CYP39A1: variants seen among roughly 807,000 people sequenced by gnomAD.
The protein encoded by CYP39A1 is cytochrome P450 family 39 subfamily A member 1.
In CYP39A1, 49 loss-of-function variants were observed where a neutral mutation model predicts 58.1. The ratio of observed to expected loss-of-function variants is 0.84; its 90% confidence interval spans 0.67 to 1.07. CYP39A1 has a LOEUF of 1.07. Among genes scored for constraint, CYP39A1 ranks in the 50% least tolerant of loss-of-function variants. The pLI, the probability that CYP39A1 is intolerant of heterozygous loss-of-function variation, is 0.00. For synonymous variants in CYP39A1, 209 were observed against 187.6 expected, an observed-to-expected ratio of 1.11 and a Z score of -0.93; for missense variants, 531 against 539.4, an observed-to-expected ratio of 0.98 and a Z score of 0.16.
At chr6:46,637,031 C>G (rs1399877546) in intron 4 of CYP39A1, among the ~76,000 whole-genome samples, 2 of 152,146 alleles carry the variant, frequency 1.3e-5, no homozygotes, top group African/African-American at 4.8e-5. Flanking sequence ...GGCTACAGCC[C>G]TCATGAAAAG....
chr6:46,601,835 A>AT (rs1773527764), intron 7 of CYP39A1, among the ~76,000 whole-genome samples: 1 of 151,896 alleles, frequency 6.6e-6, no homozygotes, highest in Admixed American at 6.6e-5. Context: ...GTTACTTATT[A>AT]TTATTATTTC....
chr6:46,557,458 T>C (rs923324778), intron 10 of CYP39A1, among the ~76,000 whole-genome samples: 63 of 151,702 alleles, frequency 4.2e-4, no homozygotes, highest in Admixed American at 1.2e-3. Flanking sequence ...TTGGCCAACA[T>C]AGCCAAACCT....
intron 7 of CYP39A1, among the ~76,000 whole-genome samples, chr6:46,622,241 C>G (rs1774999602): frequency 6.6e-6 from 1 of 151,982 alleles, no homozygotes; most frequent in Non-Finnish European, 1.5e-5. Flanking sequence ...TGTTCTGGGA[C>G]TAGACAGTGT....
chr6:46,614,048 T>C (rs923378457), intron 7 of CYP39A1, among the ~76,000 whole-genome samples: 11 of 151,724 alleles, frequency 7.3e-5, no homozygotes, highest in African/African-American at 2.4e-4. Flanking sequence ...GATGAAATCC[T>C]CCTTAAACAA....
At position 46,597,551 on chromosome 6, in the gene CYP39A1, A is replaced by ATG; in HGVS notation, c.932-1432_932-1431insCA. 4.6e-5 allele frequency among the ~76,000 whole-genome samples: 7 copies of ATG among 152,272 alleles called. No individual in the cohort carries two copies. The Middle Eastern group carries it at 0.02, about 444-fold the overall frequency. ...ATAGAGTCAACCCCAGTATATATAT[A>ATG]TTAAATTAGCAAATGGTCCAACTTC... On this transcript the variant is annotated intron_variant, in intron 7 of 11. Transcript: ENST00000275016.
intron 7 of CYP39A1, 98 bp downstream of exon 7, chr6:46,625,320 G>T: frequency 2.4e-6 from 2 of 823,504 alleles, no homozygotes; most frequent in Non-Finnish European, 3.7e-6. Flanking sequence ...TTTGGATTAT[G>T]TTGAATTTTT....
At chr6:46,647,718 AAT>A (rs1167499493) in intron 1 of CYP39A1, among the ~76,000 whole-genome samples, 2 of 152,216 alleles carry the variant, frequency 1.3e-5, no homozygotes, top group Non-Finnish European at 2.9e-5. Context: ...GTTTTCAAGT[AAT>A]GTTTCCAGTG....
intron 10 of CYP39A1, among the ~76,000 whole-genome samples, chr6:46,560,776 A>AT (rs558820988): frequency 9.4e-5 from 10 of 106,076 alleles, no homozygotes; most frequent in South Asian, 5.5e-4. Flanking sequence ...AATAAACTTG[A>AT]TTAAAAAAAA....
chr6:46,642,964 C>T (rs1776434706), intron 1 of CYP39A1, among the ~76,000 whole-genome samples: 1 of 152,182 alleles, frequency 6.6e-6, no homozygotes, highest in Non-Finnish European at 1.5e-5. Flanking sequence ...GATGGAGGTT[C>T]CTGCCCTTGT....
At chr6:46,611,138 C>G (rs187858710) in intron 7 of CYP39A1, among the ~76,000 whole-genome samples, 1 of 152,354 alleles carries the variant, frequency 6.6e-6, no homozygotes, top group East Asian at 1.9e-4. Flanking sequence ...TTCCAAGCAT[C>G]TCAGTCATTT....
chr6:46,570,037 C>T (rs566018611), intron 10 of CYP39A1, among the ~76,000 whole-genome samples: 47 of 152,106 alleles, frequency 3.1e-4, no homozygotes, highest in Non-Finnish European at 5.7e-4. Context: ...AATCTCCTTA[C>T]TTGTTGGTCT....
At chr6:46,570,873 A>G (rs1047520518) in intron 10 of CYP39A1, among the ~76,000 whole-genome samples, 1 of 152,210 alleles carries the variant, frequency 6.6e-6, no homozygotes. Context: ...AATACTGAAG[A>G]TCACATTTCA....
chr6:46,554,519 G>C lies in CYP39A1; in HGVS notation c.1251-665C>G, dbSNP rs191801861. 1.9e-4 allele frequency among the ~76,000 whole-genome samples: 29 copies of C among 152,198 alleles called. No individual in the cohort carries two copies. In the East Asian group the frequency reaches 4.6e-3, roughly 24 times the overall value. ...TCTTGATAATAAAATATTTCAGCAT[G>C]CCCTACAATATATTGATACTCATTT... On this transcript the variant is annotated intron_variant, in intron 10 of 11. Coordinates refer to ENST00000275016, the MANE Select transcript of CYP39A1 (RefSeq NM_016593.5).
chr6:46,646,049 C>A (rs1252097855), intron 1 of CYP39A1, among the ~76,000 whole-genome samples: 6 of 152,016 alleles, frequency 3.9e-5, no homozygotes, highest in Admixed American at 3.9e-4. Context: ...CATAGACAAT[C>A]ATGTAATCTG....
At chr6:46,551,384 AC>A (rs1246513265) in intron 11 of CYP39A1, among the ~76,000 whole-genome samples, 23 of 151,044 alleles carry the variant, frequency 1.5e-4, no homozygotes, top group Non-Finnish European at 2.9e-4. Flanking sequence ...AAAAAAAAAA[AC>A]AACCATACAA....
At chr6:46,619,992 A>G (rs1422475893) in intron 7 of CYP39A1, among the ~76,000 whole-genome samples, 3 of 152,178 alleles carry the variant, frequency 2.0e-5, no homozygotes, top group Non-Finnish European at 2.9e-5. Context: ...AGGATCTCCT[A>G]AAGTTCCCTC....
chr6:46,597,377 A>C (rs957220252), intron 7 of CYP39A1, among the ~76,000 whole-genome samples: 40 of 152,298 alleles, frequency 2.6e-4, no homozygotes, highest in African/African-American at 6.7e-4. Flanking sequence ...CTATTTTCTA[A>C]GATGTAAAAT....
intron 7 of CYP39A1, among the ~76,000 whole-genome samples, chr6:46,615,386 C>G (rs1368221684): frequency 2.0e-5 from 3 of 151,894 alleles, no homozygotes; most frequent in Non-Finnish European, 4.4e-5. Flanking sequence ...TATTCCCAGG[C>G]TAGTGACCCC....
chr6:46,643,907 C>T (rs1776492699), intron 1 of CYP39A1, among the ~76,000 whole-genome samples: 1 of 152,132 alleles, frequency 6.6e-6, no homozygotes, highest in Non-Finnish European at 1.5e-5. Context: ...TATTTTTTAA[C>T]TAAACTTTTT....
Sources: allele counts gnomAD v4.1 joint callset (sites outside exome capture counted in the v4.1 genomes callset), GRCh38; gene constraint gnomAD v4.1.1; transcripts MANE v1.5; gene names NCBI Gene and HGNC (gene_info 2026-07-23, HGNC 2026-07-21).